The following DSC3 variants were observed in gnomAD, a reference collection of about 807,000 sequenced individuals.
DSC3 encodes desmocollin-3.
Under a neutral mutation model 89.5 loss-of-function variants are expected in DSC3, and 97 were observed. The observed-to-expected ratio is 1.08, with a 90% CI of 0.92 to 1.28. The LOEUF is 1.28. Ranked by LOEUF, DSC3 falls within the 50% of genes most tolerant of loss-of-function variation. The probability of loss-of-function intolerance (pLI) is 0.00; values close to 1 mark genes in which losing one functional copy is unlikely to be tolerated. For missense variants in DSC3, 1,199 were observed against 1,085.3 expected (o/e 1.10, Z -1.47); for synonymous variants, 436 against 384.1 (o/e 1.14, Z -1.58).
chr18:30,994,489 A>G, intron 15 of DSC3, 117 bp from the exon 16 acceptor site: 2 of 1,591,070 alleles, frequency 1.3e-6, no homozygotes, highest in Non-Finnish European at 1.7e-6. Context: ...GTGTCCTCTA[A>G]TGGATTCCTA....
At chr18:31,022,577 A>G in intron 6 of DSC3, 75 bp from the exon 7 acceptor site, 1 of 1,528,934 alleles carries the variant, frequency 6.5e-7, no homozygotes, top group South Asian at 1.1e-5. Context: ...CTACAATCTT[A>G]AAATGTTAAC....
chr18:30,996,126 G>A (rs1349536215), intron 15 of DSC3, among the ~76,000 whole-genome samples: 1 of 151,448 alleles, frequency 6.6e-6, no homozygotes, highest in African/African-American at 2.4e-5. Context: ...CATTCGCATG[G>A]TGCTTTGTAT....
In DSC3 at chr18:31,004,294, T is replaced by C. The variant is rs1008087465; in HGVS notation, c.1961A>G (p.Asp654Gly). ...TTTTGTTGCAGCTTGGCCGGCCCTG[T>C]CTTTTACAGTAATAGGAATGGTATA... ...QEYTIPITVK[D>G]RAGQAATKLL... The change falls in exon 13 of 16, where the codon GAC becomes GGC. Residue 654 changes from aspartate to glycine, a missense_variant. By Grantham distance (94) the Asp-to-Gly change is moderately conservative. Coordinates refer to ENST00000360428, the MANE Select transcript of DSC3 (RefSeq NM_001941.5). 6.2e-7 allele frequency: 1 copy of C among 1,613,932 alleles called. No individual in the cohort carries two copies. Among genetic ancestry groups the C allele is most frequent in the African/African-American group, 1.3e-5 (1 of 74,928 alleles).
At chr18:31,041,156 G>A (rs1986117160) in intron 1 of DSC3, among the ~76,000 whole-genome samples, 1 of 152,070 alleles carries the variant, frequency 6.6e-6, no homozygotes, top group Non-Finnish European at 1.5e-5. Flanking sequence ...TGGGAGCCTC[G>A]AGCGAATGCG....
At chr18:30,994,469 T>C in intron 15 of DSC3, 97 bp from the exon 16 acceptor site, 1 of 1,597,620 alleles carries the variant, frequency 6.3e-7, no homozygotes. Flanking sequence ...ATGTTTAATT[T>C]TTAACCAGTG....
intron 1 of DSC3, among the ~76,000 whole-genome samples, chr18:31,038,294 G>A (rs1396193750): frequency 2.0e-5 from 3 of 152,150 alleles, no homozygotes; most frequent in African/African-American, 7.2e-5. Flanking sequence ...AATTCTGAAA[G>A]AAATAACTTA....
In DSC3 at chr18:31,018,732, G is replaced by A; in HGVS notation, c.1011C>T (p.Gly337=). The A allele has an allele frequency of 7.4e-6, 12 of 1,613,496 alleles. No homozygotes were observed. The highest frequency in any genetic ancestry group is 1.0e-5 in the Non-Finnish European group (12 of 1,179,630). The stretch of plus-strand genomic sequence containing the variant: ...TTACTGTTATGATACAAGTTGATGT[G>A]CCTATCAATCCAAAAAACTGGCCAT... The part of the protein sequence containing the change: ...DMDGQFFGLI[G]TSTCIITVTD... The change falls in exon 8 of 16, where the codon GGC becomes GGT. Residue 337 remains glycine, a synonymous_variant. Coordinates refer to ENST00000360428, the MANE Select transcript of DSC3 (RefSeq NM_001941.5).
chr18:31,032,406 G>A, intron 1 of DSC3, 130 bp from the exon 2 acceptor site: 1 of 703,846 alleles, frequency 1.4e-6, no homozygotes, highest in South Asian at 1.7e-5. Flanking sequence ...AGCAAACTAG[G>A]AATAGAAAGG....
chr18:31,001,805 A>AT (rs1984674571), intron 13 of DSC3, 66 bp from the exon 14 acceptor site: 1 of 1,292,134 alleles, frequency 7.7e-7, no homozygotes, highest in Admixed American at 2.3e-5. Context: ...ATCATCATTT[A>AT]TTTCTTACGA....
At chr18:31,010,896 T>C (rs1301048331) in intron 9 of DSC3, among the ~76,000 whole-genome samples, 3 of 152,222 alleles carry the variant, frequency 2.0e-5, no homozygotes, top group African/African-American at 4.8e-5. Flanking sequence ...TGGAACATTA[T>C]AACACTAGTC....
At position 31,022,387 on chromosome 18, in the gene DSC3, C is replaced by T. The variant is rs1276307928; in HGVS notation, c.891G>A (p.Val297=). The change falls in exon 7 of 16, where the codon GTG becomes GTA. Residue 297 remains valine, a synonymous_variant. Coordinates refer to ENST00000360428, the MANE Select transcript of DSC3 (RefSeq NM_001941.5). ...TGGTGATTACGCCTGTGCTGGGATG[C>T]ACAGAAAAGAGCCCAGGTGACCTTG... ...QTPRSPGLFS[V]HPSTGVITTV... is the part of the protein sequence containing the mutation. The T allele has an allele frequency of 6.2e-7, 1 of 1,614,008 alleles. No homozygotes were observed. Among genetic ancestry groups the T allele is most frequent in the South Asian group, 1.1e-5 (1 of 91,080 alleles).
intron 9 of DSC3, among the ~76,000 whole-genome samples, 196 bp from the exon 10 acceptor site, chr18:31,008,721 C>T (rs1984956178): frequency 6.6e-6 from 1 of 152,188 alleles, no homozygotes; most frequent in Non-Finnish European, 1.5e-5. Flanking sequence ...CCAACAACTT[C>T]TGCAGGTAGT....
rs139705637 is a variant in DSC3, at chr18:31,007,019, G to A, written c.1776C>T (p.Thr592=). 1.4e-4 allele frequency: 226 copies of A among 1,613,658 alleles called. No individual in the cohort carries two copies. Among genetic ancestry groups the A allele is most frequent in the African/African-American group, 1.7e-4 (13 of 74,878 alleles). ...CATCAGGATCAACAGCTAAAATGTC[G>A]GTATACCCCATTTTTGGTTTGCAAA... The part of the protein sequence containing the change: ...VVICKPKMGY[T]DILAVDPDEP... Residue 592 remains threonine (T), a synonymous_variant, in exon 12 of 16, where the codon ACC becomes ACT. Transcript: ENST00000360428.
Position 30,989,938 on chromosome 18 carries a change from G to A in DSC3, c.*4237C>T, listed in dbSNP as rs1984175944. The A allele has an allele frequency of 8.2e-6, 1 of 121,334 alleles. No homozygotes were observed. Among genetic ancestry groups the A allele is most frequent in the Admixed American group, 8.3e-5 (1 of 12,030 alleles). The allele number at this position is 121,334 out of a possible 1,614,324, so 7.5% of individuals were successfully genotyped here. A position where few individuals can be genotyped will look rare whatever the true frequency, so the allele number is the denominator to read the frequency against. ...TATCCTGGAACTTAAAATAAAATAA[G>A]TGTTATCAATGTTCATTGTGAAAAA... On this transcript the variant is annotated 3_prime_UTR_variant, in exon 16 of 16. Transcript: ENST00000360428.
chr18:31,014,188 G>A (rs765400052), intron 9 of DSC3, among the ~76,000 whole-genome samples: 1 of 151,878 alleles, frequency 6.6e-6, no homozygotes, highest in Non-Finnish European at 1.5e-5. Context: ...AACTTCCATA[G>A]ATATGGAACT....
intron 15 of DSC3, 125 bp from the exon 16 acceptor site, chr18:30,994,497 C>T: frequency 1.3e-6 from 2 of 1,589,694 alleles, no homozygotes; most frequent in Non-Finnish European, 1.7e-6. Flanking sequence ...TAATGGATTC[C>T]TACACACAGA....
chr18:31,019,712 G>A (rs1985356660), intron 7 of DSC3, among the ~76,000 whole-genome samples: 1 of 151,794 alleles, frequency 6.6e-6, no homozygotes, highest in African/African-American at 2.4e-5. Context: ...ATGGACCCTT[G>A]AGTGGGAGTT....
chr18:31,042,615 G>A lies in DSC3; in HGVS notation c.46C>T (p.Leu16=), dbSNP rs1422329426. The A allele has an allele frequency of 1.9e-6, 3 of 1,550,542 alleles. No individual in the cohort carries two copies. Among genetic ancestry groups the A allele is most frequent in the Admixed American group, 2.0e-5 (1 of 51,046 alleles). The change falls in exon 1 of 16, where the codon CTG becomes TTG. Residue 16 remains leucine, a synonymous_variant. Transcript: ENST00000360428. The part of the protein sequence containing the change: ...PRRSVRGAVC[L]HLLLTLVIFS... ...ACCACGAGGGTCAGCAGCAGATGCA[G>A]GCAGACGGCTCCGCGCACGGAGCGC... is the stretch of plus-strand genomic sequence containing the variant.
chr18:31,018,590 T>C, intron 8 of DSC3, 76 bp downstream of exon 8: 1 of 1,455,680 alleles, frequency 6.9e-7, no homozygotes. Flanking sequence ...TCATGAAGTA[T>C]TAATTTTATT....
Sources: allele counts gnomAD v4.1 joint callset (sites outside exome capture counted in the v4.1 genomes callset), GRCh38; gene constraint gnomAD v4.1.1; transcripts MANE v1.5; gene names NCBI Gene and HGNC (gene_info 2026-07-23, HGNC 2026-07-21).